Variants in SLC35B3 observed in about 807,000 individuals in gnomAD.
SLC35B3 encodes the protein adenosine 3'-phospho 5'-phosphosulfate transporter 2.
In SLC35B3, 35 loss-of-function variants were observed where a neutral mutation model predicts 44.1. The ratio of observed to expected loss-of-function variants is 0.79; its 90% confidence interval spans 0.61 to 1.05. The LOEUF is 1.05. Among genes scored for constraint, SLC35B3 ranks in the 50% least tolerant of loss-of-function variants. The pLI is 0.00. For synonymous variants in SLC35B3, 146 were observed against 167.3 expected, an observed-to-expected ratio of 0.87 and a Z score of 0.98; for missense variants, 414 against 476.4, an observed-to-expected ratio of 0.87 and a Z score of 1.22.
intron 2 of SLC35B3, 41 bp from the exon 2 acceptor site, chr6:8,430,198 A>G: frequency 6.8e-7 from 1 of 1,462,380 alleles, no homozygotes; most frequent in Non-Finnish European, 9.2e-7. Flanking sequence ...TACATGATAA[A>G]GTTTAATCCT....
chr6:8,414,268 TC>T (rs1363228413), intron 10 of SLC35B3, among the ~76,000 whole-genome samples: 1 of 152,160 alleles, frequency 6.6e-6, no homozygotes, highest in Non-Finnish European at 1.5e-5. Flanking sequence ...ATTTTATGTT[TC>T]CCTCCAAACT....
At chr6:8,414,253 A>C (rs1160496821) in intron 10 of SLC35B3, among the ~76,000 whole-genome samples, 1 of 152,170 alleles carries the variant, frequency 6.6e-6, no homozygotes, top group African/African-American at 2.4e-5. Flanking sequence ...TATTGATGGA[A>C]ATTAATTTTA....
At chr6:8,429,571 C>T (rs1317720656) in intron 3 of SLC35B3, among the ~76,000 whole-genome samples, 2 of 152,078 alleles carry the variant, frequency 1.3e-5, no homozygotes, top group Non-Finnish European at 2.9e-5. Flanking sequence ...CCAATCAATA[C>T]GTGAATCATT....
In SLC35B3 at chr6:8,435,393, T is replaced by A. The variant is rs371229744; in HGVS notation, c.-94A>T. On this transcript the variant is annotated 5_prime_UTR_variant, in exon 1 of 11. Transcript: ENST00000644923. The surrounding 1 kb of genome is among the most constrained non-coding windows in gnomAD (Gnocchi z 5.5). ...GGGTGACGGCAGCCTGCGTGGCGTC[T>A]GAGCTAGACGGAGCATCTCCCCCTC... The A allele has an allele frequency of 1.3e-5, 17 of 1,288,416 alleles. No homozygotes were observed. In the East Asian group the frequency reaches 8.9e-4, roughly 67 times the overall value. 79.8% of individuals were successfully genotyped at this position (1,288,416 alleles called of 1,614,324 possible).
intron 5 of SLC35B3, among the ~76,000 whole-genome samples, chr6:8,422,177 G>A (rs1037377633): frequency 6.6e-6 from 1 of 152,052 alleles, no homozygotes; most frequent in African/African-American, 2.4e-5. Context: ...GCTAATTTTT[G>A]TATTTTTAGT....
At chr6:8,424,920 A>G (rs1763274504) in intron 4 of SLC35B3, among the ~76,000 whole-genome samples, 1 of 152,242 alleles carries the variant, frequency 6.6e-6, no homozygotes, top group Non-Finnish European at 1.5e-5. Flanking sequence ...TAACAACAGC[A>G]AAGAGTTTAG....
At position 8,413,609 on chromosome 6, in the gene SLC35B3, A is replaced by G. The variant is rs1296485905; in HGVS notation, c.1146T>C (p.Tyr382=). Residue 382 remains tyrosine (Y), a synonymous_variant, in exon 11 of 11, where the codon TAT becomes TAC. Transcript: ENST00000644923. The stretch of plus-strand genomic sequence containing the variant: ...CTTCCACTGATTTGTTTATCAAATC[A>G]TACAGTGATGGTAGTCTTATTTTAT... 1 of 1,607,090 alleles carries G rather than the reference A, an allele frequency of 6.2e-7. No individual in the cohort carries two copies. The highest frequency in any genetic ancestry group is 2.2e-5 in the East Asian group (1 of 44,812).
Position 8,416,889 on chromosome 6 carries a change from A to T in SLC35B3, c.980T>A (p.Val327Glu). 1 of 1,514,544 alleles carries T rather than the reference A, an allele frequency of 6.6e-7. No homozygotes were observed. The highest frequency in any genetic ancestry group is 9.0e-7 in the Non-Finnish European group (1 of 1,105,654). The allele number at this position is 1,514,544 out of a possible 1,614,324, so 93.8% of individuals were successfully genotyped here. ...AGCAAGTAAATCCCTCCTACCTGTT[A>T]CAGCAATAAGTGCACCAAAAATTTT... The change falls in exon 9 of 11, where the codon GTA (valine) becomes GAA (glutamate). Residue 327 changes from valine (V) to glutamate (E), a missense_variant. By Grantham distance (121) the Val-to-Glu change is moderately radical. Coordinates refer to ENST00000644923, the MANE Select transcript of SLC35B3 (RefSeq NM_001370476.2).
At chr6:8,426,048 C>T (rs1042694559) in intron 4 of SLC35B3, among the ~76,000 whole-genome samples, 19 of 152,292 alleles carry the variant, frequency 1.2e-4, no homozygotes, top group South Asian at 1.0e-3. Flanking sequence ...TGCTTAAGAA[C>T]GCAACCTCAG....
chr6:8,422,633 G>T lies in SLC35B3; in HGVS notation c.420-9C>A. The T allele has an allele frequency of 6.3e-7, 1 of 1,599,046 alleles. No homozygotes were observed. On this transcript the variant is annotated splice_polypyrimidine_tract_variant and intron_variant, in intron 4 of 10. Transcript: ENST00000644923. Reference sequence around the variant, plus strand: ...AGGTTTTTCCTGGTATTCTGTAAAAGACAATTTTTAAAACCTTCATTTTGG... The same window carrying T: ...AGGTTTTTCCTGGTATTCTGTAAAATACAATTTTTAAAACCTTCATTTTGG...
At position 8,428,018 on chromosome 6, in the gene SLC35B3, C is replaced by T. The variant is rs764335719; in HGVS notation, c.338G>A (p.Trp113Ter). Residue 113 changes from tryptophan (W) to a stop codon, truncating the protein, a stop_gained, in exon 4 of 11, where the codon TGG (tryptophan) becomes TAG (stop). Coordinates refer to ENST00000644923, the MANE Select transcript of SLC35B3 (RefSeq NM_001370476.2). LOFTEE classifies it high-confidence loss of function. Reference sequence around the variant, plus strand: ...GGCAAACTGCACTAAGGTAAGGTACCAGCCACAGGACTTAAAACCCTCCAC... The same window carrying T: ...GGCAAACTGCACTAAGGTAAGGTACTAGCCACAGGACTTAAAACCCTCCAC... 1 of 1,608,324 alleles carries T rather than the reference C, an allele frequency of 6.2e-7. No individual in the cohort carries two copies. Among genetic ancestry groups the T allele is most frequent in the East Asian group, 2.2e-5 (1 of 44,652 alleles).
rs1762137529 is a variant in SLC35B3 at position 8,413,483 on chromosome 6, C to G, written c.*66G>C. The G allele has an allele frequency of 2.1e-6, 3 of 1,424,008 alleles. No individual in the cohort carries two copies. The highest frequency in any genetic ancestry group is 9.5e-7 in the Non-Finnish European group (1 of 1,048,680). The allele number at this position is 1,424,008 out of a possible 1,614,324, so 88.2% of individuals were successfully genotyped here. On this transcript the variant is annotated 3_prime_UTR_variant, in exon 11 of 11. Coordinates refer to ENST00000644923, the MANE Select transcript of SLC35B3 (RefSeq NM_001370476.2). ...CAGATCCTTTGGTTTTTATCAGTCC[C>G]TTTGGAAAGTTAATTAATTGATGAT...
In SLC35B3 at chr6:8,434,049, T is replaced by TATATATATATATATA. The variant is rs1554122963; in HGVS notation, c.3+335_3+336insTATATATATATATAT. On this transcript the variant is annotated intron_variant, in intron 2 of 10. Coordinates refer to ENST00000644923, the MANE Select transcript of SLC35B3 (RefSeq NM_001370476.2). The surrounding 1 kb of genome is among the most constrained non-coding windows in gnomAD (Gnocchi z 6.3). ...TGAAACTAAAATATATATATATATA[T>TATATATATATATATA]TTTAAAAATCACAGGTGTGTATAAT... Among the ~76,000 whole-genome samples the TATATATATATATATA allele has an allele frequency of 1.9e-4, 29 of 150,246 alleles. No individual in the cohort carries two copies. The East Asian group carries it at 4.5e-3, about 23-fold the overall frequency.
At chr6:8,414,662 A>G (rs1762252460) in intron 10 of SLC35B3, among the ~76,000 whole-genome samples, 1 of 152,176 alleles carries the variant, frequency 6.6e-6, no homozygotes, top group South Asian at 2.1e-4. Context: ...ATACAAAATG[A>G]TAAATTCAAA....
At chr6:8,427,834 A>T in intron 4 of SLC35B3, 103 bp downstream of exon 3, 1 of 960,878 alleles carries the variant, frequency 1.0e-6, no homozygotes, top group Non-Finnish European at 1.5e-6. Flanking sequence ...GTTCGTGCCT[A>T]TCACATGTTT....
chr6:8,422,406 A>T, intron 5 of SLC35B3, 64 bp downstream of exon 4: 2 of 1,200,788 alleles, frequency 1.7e-6, no homozygotes, highest in Admixed American at 2.2e-5. Context: ...TGTTTTTCCT[A>T]ATGCTAGATG....
In SLC35B3 at chr6:8,434,331, C is replaced by A. The variant is rs1764278042; in HGVS notation, c.3+54G>T. ...TTACGGTGTCATTAACCTGAAAAAA[C>A]GTGATTTTAACTATACTTTGCCACA... On this transcript the variant is annotated intron_variant, in intron 2 of 10. Coordinates refer to ENST00000644923, the MANE Select transcript of SLC35B3 (RefSeq NM_001370476.2). The surrounding 1 kb of genome is among the most constrained non-coding windows in gnomAD (Gnocchi z 6.3). The A allele has an allele frequency of 4.5e-6, 7 of 1,549,774 alleles. No homozygotes were observed. Among genetic ancestry groups the A allele is most frequent in the Non-Finnish European group, 4.4e-6 (5 of 1,125,480 alleles).
chr6:8,435,392 C>A lies in SLC35B3; in HGVS notation c.-93G>T. ...AGGGTGACGGCAGCCTGCGTGGCGTCTGAGCTAGACGGAGCATCTCCCCCT... is the reference window on the plus strand; with the variant it reads ...AGGGTGACGGCAGCCTGCGTGGCGTATGAGCTAGACGGAGCATCTCCCCCT... On this transcript the variant is annotated 5_prime_UTR_variant, in exon 1 of 11. Transcript: ENST00000644923. The surrounding 1 kb of genome is among the most constrained non-coding windows in gnomAD (Gnocchi z 5.5). The A allele has an allele frequency of 7.8e-7, 1 of 1,288,666 alleles. No individual in the cohort carries two copies. Among genetic ancestry groups the A allele is most frequent in the Non-Finnish European group, 1.0e-6 (1 of 988,818 alleles). The allele number at this position is 1,288,666 out of a possible 1,614,324, so 79.8% of individuals were successfully genotyped here. A position where few individuals can be genotyped will look rare whatever the true frequency, so the allele number is the denominator to read the frequency against.
chr6:8,416,791 T>C (rs1762449003), intron 9 of SLC35B3, 93 bp downstream of exon 8: 2 of 528,916 alleles, frequency 3.8e-6, no homozygotes, highest in Non-Finnish European at 6.7e-6. Context: ...TTCTTTTTAA[T>C]ATAAAGGAGA....
Sources: gnomAD v4.1 joint callset for allele counts (sites outside exome capture counted in the v4.1 genomes callset) on GRCh38, gnomAD v4.1.1 for gene constraint, Gnocchi (gnomAD v3.1) non-coding constraint, MANE v1.5 for transcripts, NCBI Gene and HGNC (gene_info 2026-07-23, HGNC 2026-07-21) for gene names.